The following RAVER2 variants were observed in gnomAD, a reference collection of about 807,000 sequenced individuals.
RAVER2 encodes the protein ribonucleoprotein PTB-binding 2.
RAVER2 carries 46 observed loss-of-function variants against 78.1 expected under a neutral mutation model. The ratio of observed to expected loss-of-function variants is 0.59; its 90% confidence interval spans 0.46 to 0.75. RAVER2 has a LOEUF of 0.75. RAVER2 is among the 30% of genes least tolerant of loss of function. The pLI is 0.00. For synonymous variants in RAVER2, 311 were observed against 313.3 expected (o/e 0.99, Z 0.08); for missense variants, 793 against 837.5 (o/e 0.95, Z 0.66).
intron 10 of RAVER2, among the ~76,000 whole-genome samples, chr1:64,813,542 G>A (rs1280433972): frequency 6.6e-6 from 1 of 152,008 alleles, no homozygotes; most frequent in African/African-American, 2.4e-5. Context: ...AATGCATGAA[G>A]TAAATCCAAA....
intron 3 of RAVER2, among the ~76,000 whole-genome samples, chr1:64,778,382 A>G (rs1172864668): frequency 6.6e-6 from 1 of 152,136 alleles, no homozygotes; most frequent in Non-Finnish European, 1.5e-5. Flanking sequence ...CCATTTATCT[A>G]TCCAACTTTT....
At chr1:64,830,935 A>C (rs1169143002) in exon 12 of RAVER2, 3 of 1,613,960 alleles carry the variant, frequency 1.9e-6, no homozygotes, top group Non-Finnish European at 2.5e-6. Flanking sequence ...TTCTCAGGGC[A>C]CAGGAGCATA....
chr1:64,833,128 A>T, exon 12 of RAVER2: 1 of 179,330 alleles, frequency 5.6e-6, no homozygotes, highest in Non-Finnish European at 1.2e-5. Context: ...ACCGTAACCC[A>T]CCCCTTCCTC....
intron 9 of RAVER2, among the ~76,000 whole-genome samples, chr1:64,809,872 T>C (rs1653557874): frequency 6.6e-6 from 1 of 152,250 alleles, no homozygotes; most frequent in Non-Finnish European, 1.5e-5. Flanking sequence ...TGTAGCTTAG[T>C]TCACTTAGCA....
At chr1:64,760,328 AG>A (rs895239250) in intron 1 of RAVER2, among the ~76,000 whole-genome samples, 3 of 152,188 alleles carry the variant, frequency 2.0e-5, no homozygotes, top group African/African-American at 7.2e-5. Context: ...CCTTCTCCCA[AG>A]GGAGACAACC....
At chr1:64,800,607 A>G (rs949996797) in intron 5 of RAVER2, among the ~76,000 whole-genome samples, 1 of 152,180 alleles carries the variant, frequency 6.6e-6, no homozygotes, top group Non-Finnish European at 1.5e-5. Flanking sequence ...TTAATTCCCT[A>G]TCACTTGCAG....
At chr1:64,813,632 A>G (rs1653679903) in intron 10 of RAVER2, among the ~76,000 whole-genome samples, 1 of 152,194 alleles carries the variant, frequency 6.6e-6, no homozygotes. Flanking sequence ...TTCATTTTTA[A>G]TATACATCCT....
chr1:64,796,557 A>G (rs1653101823), intron 5 of RAVER2, among the ~76,000 whole-genome samples: 1 of 152,146 alleles, frequency 6.6e-6, no homozygotes, highest in Admixed American at 6.5e-5. Context: ...TTGGCATAAC[A>G]TTGTTCATAG....
At chr1:64,754,987 A>G (rs894160819) in intron 1 of RAVER2, among the ~76,000 whole-genome samples, 3 of 152,150 alleles carry the variant, frequency 2.0e-5, no homozygotes, top group African/African-American at 7.2e-5. Flanking sequence ...GCAAAAGCTT[A>G]TTGCTCTCTA....
chr1:64,799,185 T>C (rs1653187940), intron 5 of RAVER2, among the ~76,000 whole-genome samples: 1 of 152,112 alleles, frequency 6.6e-6, no homozygotes, highest in Admixed American at 6.5e-5. Context: ...GAACATGCAG[T>C]ATTTATCTTT....
chr1:64,810,020 T>C (rs543970456), intron 9 of RAVER2, among the ~76,000 whole-genome samples: 1 of 152,374 alleles, frequency 6.6e-6, no homozygotes, highest in South Asian at 2.1e-4. Flanking sequence ...TTCTACCTTT[T>C]GTTTATTGTA....
chr1:64,780,631 T>A (rs1652601369), intron 3 of RAVER2, among the ~76,000 whole-genome samples: 1 of 152,206 alleles, frequency 6.6e-6, no homozygotes, highest in Admixed American at 6.5e-5. Flanking sequence ...ATGAATGTAT[T>A]TAAGATAATT....
intron 2 of RAVER2, among the ~76,000 whole-genome samples, chr1:64,772,581 A>G (rs1652349669): frequency 1.3e-5 from 2 of 152,170 alleles, no homozygotes; most frequent in South Asian, 2.1e-4. Context: ...ATAAAAAAAT[A>G]AAGAATGGTT....
intron 1 of RAVER2, among the ~76,000 whole-genome samples, chr1:64,746,990 TC>T (rs1285487807): frequency 2.6e-5 from 4 of 152,236 alleles, no homozygotes. Context: ...TTATCACAAT[TC>T]CTTGCATTAA....
chr1:64,817,627 A>G (rs527394714), intron 11 of RAVER2, among the ~76,000 whole-genome samples: 1 of 152,180 alleles, frequency 6.6e-6, no homozygotes, highest in East Asian at 1.9e-4. Context: ...GCTGGAAACC[A>G]TCATTCTGAG....
At chr1:64,782,832 T>A (rs1030985839) in intron 4 of RAVER2, among the ~76,000 whole-genome samples, 12 of 152,134 alleles carry the variant, frequency 7.9e-5, no homozygotes, top group Non-Finnish European at 1.5e-4. Context: ...GCTGCACCCA[T>A]CAACTCGTCA....
intron 8 of RAVER2, among the ~76,000 whole-genome samples, chr1:64,806,824 A>G (rs1290479871): frequency 6.6e-6 from 1 of 152,198 alleles, no homozygotes; most frequent in African/African-American, 2.4e-5. Context: ...TCCTTCAGTT[A>G]TGGAAACAGT....
chr1:64,815,778 A>G (rs1266269645), intron 11 of RAVER2: 3 of 152,204 alleles, frequency 2.0e-5, no homozygotes, highest in Non-Finnish European at 4.4e-5. Flanking sequence ...AAAATGGTGC[A>G]GCTGGATATT....
At chr1:64,792,666 C>G (rs931131096) in intron 5 of RAVER2, among the ~76,000 whole-genome samples, 1 of 152,044 alleles carries the variant, frequency 6.6e-6, no homozygotes, top group African/African-American at 2.4e-5. Flanking sequence ...ATAAGCATAG[C>G]TTTTTCTTGT....
Sources: allele counts gnomAD v4.1 joint callset (sites outside exome capture counted in the v4.1 genomes callset), GRCh38; gene constraint gnomAD v4.1.1; transcripts MANE v1.5; gene names NCBI Gene and HGNC (gene_info 2026-07-23, HGNC 2026-07-21).